SNX9: variants seen among roughly 807,000 people sequenced by gnomAD.
SNX9 encodes the protein sorting nexin 9.
Under a neutral mutation model 89.4 loss-of-function variants are expected in SNX9, and 44 were observed. That is an observed-to-expected ratio of 0.49 (90% CI 0.39 to 0.63). The LOEUF is 0.63. Ranked by LOEUF, SNX9 falls within the 30% of genes least tolerant of loss-of-function variation. The pLI is 0.00. For missense variants in SNX9, 578 were observed against 736.1 expected (o/e 0.79, Z 2.49); for synonymous variants, 236 against 247.8 (o/e 0.95, Z 0.45).
intron 1 of SNX9, among the ~76,000 whole-genome samples, chr6:157,829,665 A>G (rs1284845078): frequency 1.3e-5 from 2 of 152,210 alleles, no homozygotes; most frequent in Non-Finnish European, 2.9e-5. Flanking sequence ...TTCTAGGTGA[A>G]TTGAAGTTTT....
chr6:157,933,661 C>T (rs1486696605), intron 13 of SNX9, among the ~76,000 whole-genome samples: 2 of 152,102 alleles, frequency 1.3e-5, no homozygotes, highest in Admixed American at 1.3e-4. Flanking sequence ...GCAAGCCACG[C>T]CCATTGCTTA....
At chr6:157,873,414 G>T (rs2115140620) in intron 3 of SNX9, among the ~76,000 whole-genome samples, 1 of 149,630 alleles carries the variant, frequency 6.7e-6, no homozygotes, top group South Asian at 2.1e-4. Flanking sequence ...TTCTTCCAGG[G>T]ATAGCAACTT....
In SNX9 at chr6:157,823,522, C is replaced by T. The variant is rs1212429793; in HGVS notation, c.12+76C>T. 4 of 1,081,402 alleles carry T rather than the reference C, an allele frequency of 3.7e-6. No individual in the cohort carries two copies. The highest frequency in any genetic ancestry group is 4.6e-6 in the Non-Finnish European group (4 of 873,286). 67.0% of individuals were successfully genotyped at this position (1,081,402 alleles called of 1,614,324 possible). On this transcript the variant is annotated intron_variant, in intron 1 of 17. Coordinates refer to ENST00000392185, the MANE Select transcript of SNX9 (RefSeq NM_016224.5). This position sits in a 1 kb window ranked among gnomAD's most constrained non-coding sequence, Gnocchi z 4.6. ...GCGGAGAGGGTCGGGGCCGGGGCCGCGGGGAGGGTCGGGGCCAGGGGTGGT... is the reference window on the plus strand; with the variant it reads ...GCGGAGAGGGTCGGGGCCGGGGCCGTGGGGAGGGTCGGGGCCAGGGGTGGT...
At chr6:157,880,681 C>T (rs951061220) in intron 4 of SNX9, among the ~76,000 whole-genome samples, 1 of 152,184 alleles carries the variant, frequency 6.6e-6, no homozygotes, top group African/African-American at 2.4e-5. Flanking sequence ...GCTCTGCATC[C>T]TTGAGATGTG....
At chr6:157,860,929 T>C (rs1204640026) in intron 1 of SNX9, among the ~76,000 whole-genome samples, 1 of 152,248 alleles carries the variant, frequency 6.6e-6, no homozygotes, top group Non-Finnish European at 1.5e-5. Context: ...AGGGAATTTC[T>C]ATTTACATTT....
At chr6:157,900,748 T>C (rs1168985396) in intron 5 of SNX9, among the ~76,000 whole-genome samples, 1 of 152,212 alleles carries the variant, frequency 6.6e-6, no homozygotes, top group Non-Finnish European at 1.5e-5. Flanking sequence ...GCATCAGTAA[T>C]TTCTGACAGA....
At chr6:157,940,274 C>T (rs1430454820) in intron 16 of SNX9, among the ~76,000 whole-genome samples, 1 of 152,194 alleles carries the variant, frequency 6.6e-6, no homozygotes, top group African/African-American at 2.4e-5. Context: ...ACAAATATGA[C>T]CAAGTATTTT....
In SNX9 at chr6:157,937,054, A is replaced by T. The variant is rs554900222; in HGVS notation, c.1444-380A>T. On this transcript the variant is annotated intron_variant, in intron 14 of 17. Transcript: ENST00000392185. ...ATGGAAAAATTTAAAATTACCACTT[A>T]AAATGATTAGTTTTAATATTTTTAT... is the stretch of plus-strand genomic sequence containing the variant. 8.0e-4 allele frequency among the ~76,000 whole-genome samples: 115 copies of T among 143,348 alleles called. 1 individual carries two copies. Among genetic ancestry groups the T allele is most frequent in the Admixed American group, 6.9e-3 (102 of 14,826 alleles). The allele number at this position is 143,348 out of a possible 152,430, so 94.0% of individuals were successfully genotyped here. A position where few individuals can be genotyped will look rare whatever the true frequency, so the allele number is the denominator to read the frequency against.
At chr6:157,916,891 G>A (rs1484032072) in intron 9 of SNX9, among the ~76,000 whole-genome samples, 2 of 152,138 alleles carry the variant, frequency 1.3e-5, no homozygotes, top group Non-Finnish European at 2.9e-5. Context: ...AATTTGTTTG[G>A]TTTTAGTATC....
chr6:157,921,987 TC>T (rs1178888510), intron 10 of SNX9, among the ~76,000 whole-genome samples: 4 of 152,202 alleles, frequency 2.6e-5, no homozygotes, highest in Admixed American at 2.0e-4. Context: ...GAAGGTATTA[TC>T]AGCATGAAGT....
Position 157,937,519 on chromosome 6 carries a change from A to G in SNX9, c.1529A>G (p.His510Arg). 6.2e-7 allele frequency: 1 copy of G among 1,612,286 alleles called. No homozygotes were observed. Among genetic ancestry groups the G allele is most frequent in the Non-Finnish European group, 8.5e-7 (1 of 1,178,452 alleles). The change falls in exon 15 of 18, where the codon CAC becomes CGC. Residue 510 changes from histidine (H) to arginine (R), a missense_variant. By Grantham distance (29) the His-to-Arg change is conservative. This residue lies in a region of SNX9 where 348 missense variants were observed against 491.4 expected (regional missense o/e 0.71). Transcript: ENST00000392185. Reference protein sequence around the residue: ...LGCFPDIIGTHKGAIEKVKES... With the variant: ...LGCFPDIIGTRKGAIEKVKES... ...TGCTTCCCTGACATCATTGGCACTC[A>G]CAAGGTAACCTGATCGTAGACATTT... is the stretch of plus-strand genomic sequence containing the variant.
intron 1 of SNX9, among the ~76,000 whole-genome samples, 166 bp from the exon 2 acceptor site, chr6:157,867,381 A>G (rs1782285702): frequency 6.6e-6 from 1 of 152,198 alleles, no homozygotes; most frequent in South Asian, 2.1e-4. Flanking sequence ...TCTTCCTCAG[A>G]GTAGAGCAGA....
chr6:157,833,637 A>T (rs1038276637), intron 1 of SNX9, among the ~76,000 whole-genome samples: 1 of 152,204 alleles, frequency 6.6e-6, no homozygotes, highest in African/African-American at 2.4e-5. Context: ...TGGTAATTTT[A>T]CCTGCCACCA....
intron 6 of SNX9, among the ~76,000 whole-genome samples, chr6:157,905,109 A>G (rs1314136201): frequency 6.6e-6 from 1 of 152,180 alleles, no homozygotes; most frequent in East Asian, 1.9e-4. Flanking sequence ...TAAGTGTTGG[A>G]GTCAGAATTC....
intron 2 of SNX9, among the ~76,000 whole-genome samples, chr6:157,868,658 G>A (rs1358512606): frequency 2.0e-5 from 3 of 152,122 alleles, no homozygotes; most frequent in Non-Finnish European, 4.4e-5. Flanking sequence ...CTTTTTACAT[G>A]TAACTTTATT....
At chr6:157,929,288 T>C (rs1314964051) in intron 12 of SNX9, among the ~76,000 whole-genome samples, 1 of 152,186 alleles carries the variant, frequency 6.6e-6, no homozygotes, top group Non-Finnish European at 1.5e-5. Flanking sequence ...TGCAGCTCTG[T>C]CACCACACAT....
rs1783915829 is a variant in SNX9 at position 157,935,982 on chromosome 6, A to T, written c.1385A>T (p.Asp462Val). The T allele has an allele frequency of 3.1e-6, 5 of 1,612,608 alleles. No individual in the cohort carries two copies. The highest frequency in any genetic ancestry group is 1.7e-4 in the Middle Eastern group (1 of 6,054). The change falls in exon 14 of 18, where the codon GAT (aspartate) becomes GTT (valine). Residue 462 changes from aspartate to valine, a missense_variant. Asp to Val is a radical substitution (Grantham distance 152). Around this residue, in one of 2 missense-constraint regions of SNX9, gnomAD observed 348 missense variants for 491.4 expected, o/e 0.71. Transcript: ENST00000392185. The stretch of plus-strand genomic sequence containing the variant: ...TTTTCAGGTGAAACAGATCTCAATG[A>T]TGCAATAACAGAAGCAGGAAAGACT... ...SGYQGETDLNDAITEAGKTYE... is the reference protein window; with the variant it reads ...SGYQGETDLNVAITEAGKTYE...
chr6:157,836,781 C>T (rs577009894), intron 1 of SNX9, among the ~76,000 whole-genome samples: 5 of 151,988 alleles, frequency 3.3e-5, no homozygotes, highest in East Asian at 1.9e-4. Flanking sequence ...TTAGTAGAGA[C>T]GGGGTTTCAC....
intron 1 of SNX9, among the ~76,000 whole-genome samples, chr6:157,835,110 T>G (rs1038208149): frequency 1.3e-5 from 2 of 152,054 alleles, no homozygotes; most frequent in Admixed American, 6.5e-5. Context: ...CCTCCTGGGT[T>G]CAAGCAGTTC....
Sources: allele counts gnomAD v4.1 joint callset (sites outside exome capture counted in the v4.1 genomes callset), GRCh38; gene constraint gnomAD v4.1.1; regional missense constraint gnomAD v4.1.1; non-coding constraint Gnocchi (gnomAD v3.1); transcripts MANE v1.5; gene names NCBI Gene and HGNC (gene_info 2026-07-23, HGNC 2026-07-21).